ADCY1: variants seen among roughly 807,000 people sequenced by gnomAD.
The protein encoded by ADCY1 is adenylate cyclase 1.
In ADCY1, 28 loss-of-function variants were observed where a neutral mutation model predicts 105.4. The observed-to-expected ratio is 0.27, with a 90% confidence interval of 0.20 to 0.36. ADCY1 has a LOEUF of 0.36. ADCY1 is among the 10% of genes least tolerant of loss of function. ADCY1 has a pLI of 1.00. For missense variants in ADCY1, 977 were observed against 1,434.2 expected (o/e 0.68, Z 5.15); for synonymous variants, 655 against 623.8 (o/e 1.05, Z -0.75).
At chr7:45,678,889 AAAT>A (rs10690012) in intron 10 of ADCY1, among the ~76,000 whole-genome samples, 10 of 149,828 alleles carry the variant, frequency 6.7e-5, no homozygotes, top group South Asian at 2.1e-4. Flanking sequence ...TTGTCTCTAA[AAAT>A]AATAATAATA....
chr7:45,675,267 C>T (rs1187936291), intron 8 of ADCY1, among the ~76,000 whole-genome samples: 7 of 152,112 alleles, frequency 4.6e-5, no homozygotes, highest in Admixed American at 4.6e-4. Flanking sequence ...CTGATGTCAA[C>T]ATTTTAACAA....
intron 14 of ADCY1, among the ~76,000 whole-genome samples, chr7:45,687,214 A>G (rs1335399762): frequency 6.6e-6 from 1 of 152,182 alleles, no homozygotes; most frequent in Non-Finnish European, 1.5e-5. Context: ...AGTAGCAAAC[A>G]TGTGAACTGG....
intron 4 of ADCY1, among the ~76,000 whole-genome samples, chr7:45,638,344 C>A (rs993760252): frequency 2.6e-5 from 4 of 152,164 alleles, no homozygotes; most frequent in African/African-American, 9.7e-5. Context: ...CAGTGTATGT[C>A]ATGTCATTAA....
rs180983636 is a variant in ADCY1 at position 45,666,242 on chromosome 7, C to T, written c.1605+4028C>T. 2.6e-3 allele frequency among the ~76,000 whole-genome samples: 399 copies of T among 152,174 alleles called. 3 individuals are homozygous for T. The highest frequency in any genetic ancestry group is 8.7e-3 in the African/African-American group (363 of 41,498). On this transcript the variant is annotated intron_variant, in intron 8 of 19. Transcript: ENST00000297323. ...TGTTGGTGTGCTGCACCCATTAACT[C>T]GTCATTTACATTAGGTATATCTCCT... is the stretch of plus-strand genomic sequence containing the variant.
At position 45,708,888 on chromosome 7, in the gene ADCY1, T is replaced by C. The variant is rs1584346776; in HGVS notation, c.2932+424T>C. On this transcript the variant is annotated intron_variant, in intron 18 of 19. Coordinates refer to ENST00000297323, the MANE Select transcript of ADCY1 (RefSeq NM_021116.4). The surrounding 1 kb of genome is among the most constrained non-coding windows in gnomAD (Gnocchi z 4.7). ...CCGCCCTGTGTCTTCTCCAGGCTCCTTCCCTCACCTGTGTCGTGAGGAGGA... is the reference window on the plus strand; with the variant it reads ...CCGCCCTGTGTCTTCTCCAGGCTCCCTCCCTCACCTGTGTCGTGAGGAGGA... Among the ~76,000 whole-genome samples the C allele has an allele frequency of 6.6e-6, 1 of 152,130 alleles. No individual in the cohort carries two copies. Among genetic ancestry groups the C allele is most frequent in the East Asian group, 1.9e-4 (1 of 5,188 alleles).
chr7:45,662,546 C>T (rs1375540897), intron 8 of ADCY1, among the ~76,000 whole-genome samples: 3 of 152,142 alleles, frequency 2.0e-5, no homozygotes, highest in Non-Finnish European at 2.9e-5. Flanking sequence ...GCCCTCCCTC[C>T]TTAGGTGGAT....
intron 3 of ADCY1, among the ~76,000 whole-genome samples, chr7:45,610,979 G>C (rs1013678756): frequency 5.2e-4 from 26 of 50,032 alleles, no homozygotes; most frequent in Non-Finnish European, 6.0e-4. Flanking sequence ...GGTGGAGGTG[G>C]GGGGTGATAG....
At chr7:45,669,012 C>T (rs191714668) in intron 8 of ADCY1, among the ~76,000 whole-genome samples, 10 of 151,998 alleles carry the variant, frequency 6.6e-5, no homozygotes, top group Admixed American at 2.0e-4. Flanking sequence ...CTATTTGATT[C>T]TTCTCTCTTT....
chr7:45,701,048 A>C (rs1448638129), intron 14 of ADCY1, among the ~76,000 whole-genome samples: 1 of 152,260 alleles, frequency 6.6e-6, no homozygotes, highest in African/African-American at 2.4e-5. Flanking sequence ...CTTTTGAAAG[A>C]AACTGTGCCA....
At position 45,686,782 on chromosome 7, in the gene ADCY1, C is replaced by T. The variant is rs1562724081; in HGVS notation, c.2454+109C>T. On this transcript the variant is annotated intron_variant, in intron 14 of 19. Coordinates refer to ENST00000297323, the MANE Select transcript of ADCY1 (RefSeq NM_021116.4). This position sits in a 1 kb window ranked among gnomAD's most constrained non-coding sequence, Gnocchi z 4.3. The stretch of plus-strand genomic sequence containing the variant: ...ACAGACACCCACACGCCGTATGGCC[C>T]TCGGAGGGCCCTCCTCAGCAGCATG... 2.8e-6 allele frequency: 4 copies of T among 1,436,816 alleles called. No homozygotes were observed. Among genetic ancestry groups the T allele is most frequent in the East Asian group, 4.8e-5 (2 of 41,344 alleles). The allele number at this position is 1,436,816 out of a possible 1,614,324, so 89.0% of individuals were successfully genotyped here. A position where few individuals can be genotyped will look rare whatever the true frequency, so the allele number is the denominator to read the frequency against.
chr7:45,595,344 A>AGCT (rs1793043394), intron 2 of ADCY1, among the ~76,000 whole-genome samples: 1 of 152,108 alleles, frequency 6.6e-6, no homozygotes, highest in South Asian at 2.1e-4. Context: ...GGTTCTGATG[A>AGCT]GCTGCTCTGC....
chr7:45,661,369 C>T (rs1016093607), intron 7 of ADCY1, among the ~76,000 whole-genome samples: 18 of 151,892 alleles, frequency 1.2e-4, no homozygotes, highest in Admixed American at 7.2e-4. Flanking sequence ...AGGTAGGCAG[C>T]GAGGCCAAGG....
rs1224029152 is a variant in ADCY1, at chr7:45,660,130, T to C, written c.1396T>C (p.Leu466=). 7.4e-6 allele frequency: 12 copies of C among 1,614,250 alleles called. No homozygotes were observed. Among genetic ancestry groups the C allele is most frequent in the South Asian group, 4.4e-5 (4 of 91,088 alleles). The change falls in exon 7 of 20, where the codon TTG becomes CTG. Residue 466 remains leucine, a synonymous_variant. Transcript: ENST00000297323. The part of the protein sequence containing the change: ...PGYGHERNSF[L]KTHNIETFFI... ...TTACGGACATGAGAGGAACAGTTTCTTGAAAACTCATAACATCGAAACCTT... is the reference window on the plus strand; with the variant it reads ...TTACGGACATGAGAGGAACAGTTTCCTGAAAACTCATAACATCGAAACCTT...
intron 8 of ADCY1, among the ~76,000 whole-genome samples, chr7:45,671,857 C>A (rs1784374224): frequency 6.6e-6 from 1 of 152,098 alleles, no homozygotes; most frequent in Non-Finnish European, 1.5e-5. Flanking sequence ...GTGTGGTTTG[C>A]AATTATTTCC....
chr7:45,723,097 GA>G lies in ADCY1; in HGVS notation c.*9108del, dbSNP rs959513752. 9.9e-5 allele frequency: 15 copies of G among 151,126 alleles called. No homozygotes were observed. Among genetic ancestry groups the G allele is most frequent in the Non-Finnish European group, 1.8e-4 (12 of 67,404 alleles). 9.4% of individuals were successfully genotyped at this position (151,126 alleles called of 1,614,324 possible). A position where few individuals can be genotyped will look rare whatever the true frequency, so the allele number is the denominator to read the frequency against. On this transcript the variant is annotated 3_prime_UTR_variant, in exon 20 of 20. Coordinates refer to ENST00000297323, the MANE Select transcript of ADCY1 (RefSeq NM_021116.4). Reference sequence around the variant, plus strand: ...GAATCTTATTTAACAAAAATAAAGGGAAAAAATTGCTTGACTAAACTCTGTG... The same window carrying G: ...GAATCTTATTTAACAAAAATAAAGGGAAAAATTGCTTGACTAAACTCTGTG...
chr7:45,686,364 C>A lies in ADCY1; in HGVS notation c.2327+149C>A. 7.1e-7 allele frequency: 1 copy of A among 1,413,006 alleles called. No homozygotes were observed. Among genetic ancestry groups the A allele is most frequent in the East Asian group, 2.4e-5 (1 of 41,866 alleles). The allele number at this position is 1,413,006 out of a possible 1,614,324, so 87.5% of individuals were successfully genotyped here. On this transcript the variant is annotated intron_variant, in intron 13 of 19. Transcript: ENST00000297323. The surrounding 1 kb of genome is among the most constrained non-coding windows in gnomAD (Gnocchi z 4.3). ...AGTTTGGTGGCTGCTTCTCTTCAAC[C>A]CAAGTTCTAGCAAGGACTCAGATTT... is the stretch of plus-strand genomic sequence containing the variant.
chr7:45,579,975 C>A (rs1437479508), intron 1 of ADCY1, among the ~76,000 whole-genome samples: 2 of 151,634 alleles, frequency 1.3e-5, no homozygotes, highest in Non-Finnish European at 2.9e-5. Flanking sequence ...CCCTCGCCCC[C>A]ATTTTTGTTT....
At position 45,686,252 on chromosome 7, in the gene ADCY1, G is replaced by T. The variant is rs1318598489; in HGVS notation, c.2327+37G>T. On this transcript the variant is annotated intron_variant, in intron 13 of 19. Coordinates refer to ENST00000297323, the MANE Select transcript of ADCY1 (RefSeq NM_021116.4). The surrounding 1 kb of genome is among the most constrained non-coding windows in gnomAD (Gnocchi z 4.3). ...GCTCCTCAAGAAAAAGGCCTAAGCAGCGGTGCTACTGAATCTGTGTATACA... is the reference window on the plus strand; with the variant it reads ...GCTCCTCAAGAAAAAGGCCTAAGCATCGGTGCTACTGAATCTGTGTATACA... The T allele has an allele frequency of 6.3e-7, 1 of 1,598,440 alleles. No homozygotes were observed. Among genetic ancestry groups the T allele is most frequent in the African/African-American group, 1.3e-5 (1 of 74,772 alleles).
At chr7:45,626,076 G>T (rs1794055321) in intron 4 of ADCY1, among the ~76,000 whole-genome samples, 1 of 152,180 alleles carries the variant, frequency 6.6e-6, no homozygotes, top group Admixed American at 6.5e-5. Flanking sequence ...TCTGCCTGGG[G>T]TTAGCTGACG....
Sources: gnomAD v4.1 joint callset for allele counts (sites outside exome capture counted in the v4.1 genomes callset) on GRCh38, gnomAD v4.1.1 for gene constraint, Gnocchi (gnomAD v3.1) non-coding constraint, MANE v1.5 for transcripts, NCBI Gene and HGNC (gene_info 2026-07-23, HGNC 2026-07-21) for gene names.